C19orf44: variants seen among roughly 807,000 people sequenced by gnomAD.
C19orf44 encodes uncharacterized protein C19orf44.
C19orf44 carries 43 observed loss-of-function variants against 50.7 expected under a neutral mutation model. The observed-to-expected ratio is 0.85, with a 90% CI of 0.66 to 1.09. C19orf44 has a LOEUF of 1.09. C19orf44 is among the 50% of genes least tolerant of loss of function. The pLI is 0.00. For missense variants in C19orf44, 722 were observed against 836.2 expected, an observed-to-expected ratio of 0.86 and a Z score of 1.68; for synonymous variants, 298 against 334.7, an observed-to-expected ratio of 0.89 and a Z score of 1.20.
chr19:16,500,910 C>T lies in C19orf44; in HGVS notation c.118C>T (p.Leu40Phe). 6.2e-7 allele frequency: 1 copy of T among 1,613,954 alleles called. No individual in the cohort carries two copies. The highest frequency in any genetic ancestry group is 8.5e-7 in the Non-Finnish European group (1 of 1,179,984). ...CAGAAACTTCCAGATCAGTAGAAAT[C>T]TTACCAAAATAGCACCTGGTCATAG... Reference protein sequence around the residue: ...EIRNFQISRNLTKIAPGHSRF... With the variant: ...EIRNFQISRNFTKIAPGHSRF... The change falls in exon 2 of 9, where the codon CTT becomes TTT. Residue 40 changes from leucine (L) to phenylalanine (F), a missense_variant. Leu to Phe is a conservative substitution (Grantham distance 22). Coordinates refer to ENST00000221671, the MANE Select transcript of C19orf44 (RefSeq NM_032207.4).
intron 8 of C19orf44, 82 bp downstream of exon 8, chr19:16,517,423 G>A (rs1599741912): frequency 1.0e-6 from 1 of 964,124 alleles, no homozygotes; most frequent in Non-Finnish European, 1.6e-6. Context: ...GTTCCGTGGT[G>A]GGGGCAGGTG....
At chr19:16,512,296 G>A (rs2122214027) in intron 5 of C19orf44, among the ~76,000 whole-genome samples, 1 of 152,148 alleles carries the variant, frequency 6.6e-6, no homozygotes, top group East Asian at 1.9e-4. Flanking sequence ...AAACACTGGC[G>A]AGGCTGTTTT....
chr19:16,506,779 G>A lies in C19orf44; in HGVS notation c.1149+5G>A. The A allele has an allele frequency of 6.3e-7, 1 of 1,579,558 alleles. No homozygotes were observed. Among genetic ancestry groups the A allele is most frequent in the South Asian group, 1.2e-5 (1 of 85,202 alleles). On this transcript the variant is annotated splice_donor_5th_base_variant and intron_variant, in intron 4 of 8. Coordinates refer to ENST00000221671, the MANE Select transcript of C19orf44 (RefSeq NM_032207.4). The stretch of plus-strand genomic sequence containing the variant: ...AACTCCGATTTGGAACAGGAAGTAA[G>A]TACAACAAAGTCATTTTTCATGGTC...
At chr19:16,518,621 T>C (rs1250030922) in intron 8 of C19orf44, 1 of 154,184 alleles carries the variant, frequency 6.5e-6, no homozygotes, top group Non-Finnish European at 1.4e-5. Flanking sequence ...GCAAGTCAAG[T>C]CAAAGTTTTG....
chr19:16,497,437 G>A (rs1219137596), intron 1 of C19orf44, among the ~76,000 whole-genome samples: 6 of 137,018 alleles, frequency 4.4e-5, no homozygotes, highest in Non-Finnish European at 4.6e-5. Flanking sequence ...TGCGAACTCC[G>A]CCTCCCAGGT....
rs145166150 is a variant in C19orf44 at position 16,509,915 on chromosome 19, C to T, written c.1566C>T (p.His522=). The change falls in exon 5 of 9, where the codon CAC becomes CAT. Residue 522 remains histidine, a synonymous_variant. Transcript: ENST00000221671. ...AGTCTAGGAAAAAGTCGGGCAGGCA[C>T]GTGACAAGAGTGCTTGTGAAGGACA... is the stretch of plus-strand genomic sequence containing the variant. ...TAESRKKSGR[H]VTRVLVKDTA... 187 of 1,614,256 alleles carry T rather than the reference C, an allele frequency of 1.2e-4. No homozygotes were observed. In the African/African-American group the frequency reaches 2.0e-3, roughly 17 times the overall value.
rs562467739 is a variant in C19orf44, at chr19:16,520,055, AAC to A, written c.*41-35_*41-34del. 2.1e-4 allele frequency: 278 copies of A among 1,347,694 alleles called. No homozygotes were observed. Among genetic ancestry groups the A allele is most frequent in the South Asian group, 7.4e-4 (59 of 79,702 alleles). 83.5% of individuals were successfully genotyped at this position (1,347,694 alleles called of 1,614,324 possible). The stretch of plus-strand genomic sequence containing the variant: ...CCCGGGCTAATGCTGGCGGCCTCCT[AAC>A]ACAGTCTCCTAACCACCAATGTTTC... On this transcript the variant is annotated intron_variant, in intron 8 of 8. Coordinates refer to ENST00000221671, the MANE Select transcript of C19orf44 (RefSeq NM_032207.4). The surrounding 1 kb of genome is among the most constrained non-coding windows in gnomAD (Gnocchi z 4.0).
At chr19:16,497,741 A>G (rs1408915453) in intron 1 of C19orf44, among the ~76,000 whole-genome samples, 1 of 152,184 alleles carries the variant, frequency 6.6e-6, no homozygotes, top group African/African-American at 2.4e-5. Flanking sequence ...ATTACACTGT[A>G]TGGATGGACC....
Position 16,520,251 on chromosome 19 carries a change from G to A in C19orf44, c.*198G>A. On this transcript the variant is annotated 3_prime_UTR_variant, in exon 9 of 9. Transcript: ENST00000221671. The surrounding 1 kb of genome is among the most constrained non-coding windows in gnomAD (Gnocchi z 4.0). The stretch of plus-strand genomic sequence containing the variant: ...CCGGGAGCGGCTTCTGGAGGAGCGC[G>A]ACCTGCTCCGACTTCTGCAGGGAAG... 1.9e-6 allele frequency: 3 copies of A among 1,613,346 alleles called. No homozygotes were observed. Among genetic ancestry groups the A allele is most frequent in the Non-Finnish European group, 8.5e-7 (1 of 1,179,994 alleles).
chr19:16,507,791 C>CTATTATTATTATTAT (rs558130158), intron 4 of C19orf44, among the ~76,000 whole-genome samples: 4 of 149,364 alleles, frequency 2.7e-5, no homozygotes, highest in African/African-American at 9.9e-5. Flanking sequence ...TGCGCCTGGC[C>CTATTATTATTATTAT]TATTATTATT....
rs1463155238 is a variant in C19orf44, at chr19:16,506,724, C to T, written c.1099C>T (p.Leu367Phe). The T allele has an allele frequency of 1.2e-6, 2 of 1,604,176 alleles. No homozygotes were observed. The highest frequency in any genetic ancestry group is 1.3e-5 in the African/African-American group (1 of 74,500). The change falls in exon 4 of 9, where the codon CTT becomes TTT. Residue 367 changes from leucine to phenylalanine, a missense_variant. By Grantham distance (22) the Leu-to-Phe change is conservative (BLOSUM62 0). Transcript: ENST00000221671. ...AGAGTTTAGAATAAATATTTTATCG[C>T]TTGACGGTCTGGCTCCAGCTGTCAG... ...LDEFRINILS[L>F]DGLAPAVSEN...
intron 6 of C19orf44, 81 bp from the exon 7 acceptor site, chr19:16,514,416 C>T: frequency 7.1e-7 from 1 of 1,401,848 alleles, no homozygotes; most frequent in Non-Finnish European, 9.6e-7. Context: ...AGAGAGCAGC[C>T]TGGCACCTGA....
intron 4 of C19orf44, among the ~76,000 whole-genome samples, chr19:16,507,261 T>G (rs1479751547): frequency 6.6e-6 from 1 of 152,122 alleles, no homozygotes; most frequent in Non-Finnish European, 1.5e-5. Flanking sequence ...TGAAGCTACC[T>G]TGGTTAGCTG....
rs568988455 is a variant in C19orf44 at position 16,508,007 on chromosome 19, G to A, written c.1149+1233G>A. On this transcript the variant is annotated intron_variant, in intron 4 of 8. Coordinates refer to ENST00000221671, the MANE Select transcript of C19orf44 (RefSeq NM_032207.4). ...TTTTTAGTAGAGATGGGGTTTCACC[G>A]TGTTAGCCAGGATAGTCTCGATCTC... 6.9e-3 allele frequency among the ~76,000 whole-genome samples: 1,054 copies of A among 151,670 alleles called. 3 individuals are homozygous for A. The highest frequency in any genetic ancestry group is 0.011 in the Non-Finnish European group (770 of 67,914).
chr19:16,511,802 A>G (rs919080548), intron 5 of C19orf44, among the ~76,000 whole-genome samples: 2 of 151,980 alleles, frequency 1.3e-5, no homozygotes, highest in Non-Finnish European at 2.9e-5. Context: ...CTGGATGTGA[A>G]AAATGATGTA....
rs187736960 is a variant in C19orf44 at position 16,520,629 on chromosome 19, G to T, written c.*576G>T. 1.1e-4 allele frequency: 134 copies of T among 1,259,302 alleles called. No individual in the cohort carries two copies. In the African/African-American group the frequency reaches 1.8e-3, roughly 17 times the overall value. The allele number at this position is 1,259,302 out of a possible 1,614,324, so 78.0% of individuals were successfully genotyped here. A position where few individuals can be genotyped will look rare whatever the true frequency, so the allele number is the denominator to read the frequency against. On this transcript the variant is annotated 3_prime_UTR_variant, in exon 9 of 9. Transcript: ENST00000221671. The surrounding 1 kb of genome is among the most constrained non-coding windows in gnomAD (Gnocchi z 4.0). Reference sequence around the variant, plus strand: ...CTCTGGCTGTGGATGTGGCGCCATAGCCACAGCAACGGTACCAAGTTCCTA... The same window carrying T: ...CTCTGGCTGTGGATGTGGCGCCATATCCACAGCAACGGTACCAAGTTCCTA...
intron 1 of C19orf44, among the ~76,000 whole-genome samples, chr19:16,499,852 T>A (rs1316500512): frequency 6.6e-6 from 1 of 150,508 alleles, no homozygotes; most frequent in South Asian, 2.1e-4. Context: ...TGCAGTGGTG[T>A]GATCTCGGCT....
At position 16,513,190 on chromosome 19, in the gene C19orf44, G is replaced by A. The variant is rs1226840857; in HGVS notation, c.1735+81G>A. The stretch of plus-strand genomic sequence containing the variant: ...CTGCAGATTCACACCCACTCTGGAG[G>A]TGTGGCACCCCTTGCATGCTGGCTT... On this transcript the variant is annotated intron_variant, in intron 6 of 8. Coordinates refer to ENST00000221671, the MANE Select transcript of C19orf44 (RefSeq NM_032207.4). 4.3e-6 allele frequency: 6 copies of A among 1,395,560 alleles called. No individual in the cohort carries two copies. In the African/African-American group the frequency reaches 5.7e-5, roughly 13 times the overall value. 86.4% of individuals were successfully genotyped at this position (1,395,560 alleles called of 1,614,324 possible). A position where few individuals can be genotyped will look rare whatever the true frequency, so the allele number is the denominator to read the frequency against.
chr19:16,515,303 G>A (rs996221369), intron 7 of C19orf44, among the ~76,000 whole-genome samples: 1 of 152,168 alleles, frequency 6.6e-6, no homozygotes, highest in Non-Finnish European at 1.5e-5. Context: ...GGAGGTTGTA[G>A]TGAGCTGAGA....
Sources: gnomAD v4.1 joint callset for allele counts (sites outside exome capture counted in the v4.1 genomes callset) on GRCh38, gnomAD v4.1.1 for gene constraint, Gnocchi (gnomAD v3.1) non-coding constraint, MANE v1.5 for transcripts, NCBI Gene and HGNC (gene_info 2026-07-23, HGNC 2026-07-21) for gene names.